The following PLD1 variants were observed in gnomAD, a reference collection of about 807,000 sequenced individuals.
PLD1 encodes choline phosphatase 1.
PLD1 carries 112 observed loss-of-function variants against 137.1 expected under a neutral mutation model. The observed-to-expected ratio is 0.82, with a 90% CI of 0.70 to 0.96. The LOEUF is 0.96. Among genes scored for constraint, PLD1 ranks in the 40% least tolerant of loss-of-function variants. The pLI, the probability that PLD1 is intolerant of heterozygous loss-of-function variation, is 0.00. For missense variants in PLD1, 1,321 were observed against 1,342.0 expected (o/e 0.98, Z 0.24); for synonymous variants, 431 against 454.7 (o/e 0.95, Z 0.66).
chr3:171,761,944 C>G lies in PLD1; in HGVS notation c.-31-23862G>C, dbSNP rs568574656. 1.1e-3 allele frequency among the ~76,000 whole-genome samples: 167 copies of G among 152,288 alleles called. 8 individuals carry two copies. The highest frequency in any genetic ancestry group is 6.8e-3 in the Middle Eastern group (2 of 294). On this transcript the variant is annotated intron_variant, in intron 1 of 26. Transcript: ENST00000351298. ...AATATCTATACATACTCCATGAAAA[C>G]TGCAAAGGTCTCAGATTAATACAGA...
intron 23 of PLD1, among the ~76,000 whole-genome samples, chr3:171,629,083 C>T (rs1242278778): frequency 1.3e-5 from 2 of 150,814 alleles, no homozygotes; most frequent in East Asian, 1.9e-4. Context: ...TCCCTGTTTG[C>T]AGATGACATG....
At chr3:171,788,998 C>T (rs1197305351) in intron 1 of PLD1, 1 of 152,250 alleles carries the variant, frequency 6.6e-6, no homozygotes, top group African/African-American at 2.4e-5. Flanking sequence ...ATAAAACAGA[C>T]ATTGTCCTCA....
intron 15 of PLD1, among the ~76,000 whole-genome samples, 192 bp downstream of exon 15, chr3:171,687,179 T>C (rs939551675): frequency 3.3e-5 from 5 of 152,220 alleles, no homozygotes; most frequent in Admixed American, 6.5e-5. Context: ...GATAAAACAA[T>C]AAATCTGTTC....
intron 21 of PLD1, among the ~76,000 whole-genome samples, chr3:171,655,946 C>A (rs1187033466): frequency 6.6e-6 from 1 of 152,026 alleles, no homozygotes; most frequent in African/African-American, 2.4e-5. Context: ...GAACTAATTT[C>A]CCATTTTTCA....
Position 171,737,792 on chromosome 3 carries a change from T to A in PLD1, c.160+100A>T, listed in dbSNP as rs1421673449. ...AATGATCTGAGCCCGGTGTTACATC[T>A]GCAAGGAAAATCAATCATTTGCTGG... On this transcript the variant is annotated intron_variant, in intron 2 of 26. Transcript: ENST00000351298. 6 of 1,413,266 alleles carry A rather than the reference T, an allele frequency of 4.2e-6. No individual in the cohort carries two copies. In the African/African-American group the frequency reaches 8.6e-5, roughly 20 times the overall value. 87.5% of individuals were successfully genotyped at this position (1,413,266 alleles called of 1,614,324 possible). A position where few individuals can be genotyped will look rare whatever the true frequency, so the allele number is the denominator to read the frequency against.
rs781266416 is a variant in PLD1, at chr3:171,659,208, GTT to G, written c.2429+3_2429+4del. ...CAGCGAGAACTCTCAGCCAAAGGCT[GTT>G]ACCTGTGAGCTTTCAGGATCCTCTG... On this transcript the variant is annotated splice_donor_region_variant and intron_variant, in intron 21 of 26. Coordinates refer to ENST00000351298, the MANE Select transcript of PLD1 (RefSeq NM_002662.5). 3.8e-6 allele frequency: 6 copies of G among 1,596,262 alleles called. No homozygotes were observed. The East Asian group carries it at 1.3e-4, about 36-fold the overall frequency.
chr3:171,758,686 A>C (rs1342896353), intron 1 of PLD1, among the ~76,000 whole-genome samples: 3 of 152,228 alleles, frequency 2.0e-5, no homozygotes, highest in Non-Finnish European at 4.4e-5. Context: ...AGGAGGAAAG[A>C]ATGTCCAAGA....
intron 14 of PLD1, 103 bp from the exon 15 acceptor site, chr3:171,687,687 G>C: frequency 1.4e-6 from 1 of 732,312 alleles, no homozygotes; most frequent in South Asian, 1.9e-5. Context: ...AAATGATGGA[G>C]GTTCTATAAC....
At chr3:171,720,142 A>G (rs1260055545) in intron 8 of PLD1, among the ~76,000 whole-genome samples, 1 of 151,746 alleles carries the variant, frequency 6.6e-6, no homozygotes, top group African/African-American at 2.4e-5. Flanking sequence ...AAAAAATACA[A>G]AATTTATCCA....
At chr3:171,664,281 T>C (rs1041239696) in intron 19 of PLD1, among the ~76,000 whole-genome samples, 2 of 152,160 alleles carry the variant, frequency 1.3e-5, no homozygotes, top group African/African-American at 2.4e-5. Context: ...GTTGAAGAAA[T>C]AGAAGTTTTA....
In PLD1 at chr3:171,780,693, C is replaced by T. The variant is rs142760629; in HGVS notation, c.-32+29706G>A. ...AAAGAGGAAGATTGAGAACTGACCACTGGATACAGAAACATGGAGGTCACT... is the reference window on the plus strand; with the variant it reads ...AAAGAGGAAGATTGAGAACTGACCATTGGATACAGAAACATGGAGGTCACT... On this transcript the variant is annotated intron_variant, in intron 1 of 26. Coordinates refer to ENST00000351298, the MANE Select transcript of PLD1 (RefSeq NM_002662.5). Among the ~76,000 whole-genome samples, 462 of 152,250 alleles carry T rather than the reference C, an allele frequency of 3.0e-3. 2 individuals carry two copies. Among genetic ancestry groups the T allele is most frequent in the Middle Eastern group, 0.02 (6 of 294 alleles).
intron 9 of PLD1, among the ~76,000 whole-genome samples, chr3:171,711,817 T>TAAAAAAAAAAAAAAAAAAAA: frequency 1.0e-5 from 1 of 99,206 alleles, no homozygotes; most frequent in African/African-American, 4.0e-5. Flanking sequence ...TTATAAATGC[T>TAAAAAAAAAAAAAAAAAAAA]AAAAAAAAAA....
At chr3:171,689,353 T>C (rs1714913170) in intron 13 of PLD1, among the ~76,000 whole-genome samples, 1 of 152,208 alleles carries the variant, frequency 6.6e-6, no homozygotes, top group South Asian at 2.1e-4. Context: ...AGCTCTTTAT[T>C]TAAAAGGTAC....
At position 171,737,573 on chromosome 3, in the gene PLD1, C is replaced by T; in HGVS notation, c.247G>A (p.Ala83Thr). The T allele has an allele frequency of 6.2e-7, 1 of 1,612,856 alleles. No homozygotes were observed. The highest frequency in any genetic ancestry group is 8.5e-7 in the Non-Finnish European group (1 of 1,179,628). Residue 83 changes from alanine to threonine, a missense_variant, in exon 3 of 27, where the codon GCA becomes ACA. Coordinates refer to ENST00000351298, the MANE Select transcript of PLD1 (RefSeq NM_002662.5). ...AAGCGTTCCACTTCCAGAACTTGTGCTTTTATTGGACAGCCGGAGAGATAC... is the reference window on the plus strand; with the variant it reads ...AAGCGTTCCACTTCCAGAACTTGTGTTTTTATTGGACAGCCGGAGAGATAC... ...QTYLSGCPIK[A>T]QVLEVERFTS...
intron 20 of PLD1, among the ~76,000 whole-genome samples, chr3:171,660,510 A>T (rs1473087148): frequency 2.0e-5 from 3 of 152,240 alleles, no homozygotes; most frequent in Non-Finnish European, 4.4e-5. Context: ...AGTGTCAACC[A>T]GGTCTATGTC....
chr3:171,609,717 G>A (rs1405799759), intron 25 of PLD1, among the ~76,000 whole-genome samples: 2 of 152,122 alleles, frequency 1.3e-5, no homozygotes, highest in Admixed American at 1.3e-4. Context: ...TGGATGTACA[G>A]AGTGGAATAA....
intron 21 of PLD1, among the ~76,000 whole-genome samples, chr3:171,658,792 T>G (rs1737424992): frequency 6.6e-6 from 1 of 152,188 alleles, no homozygotes; most frequent in Non-Finnish European, 1.5e-5. Context: ...TTATACAGTA[T>G]GTAAATTCTA....
chr3:171,643,933 G>T (rs574608060), intron 22 of PLD1, among the ~76,000 whole-genome samples: 131 of 151,960 alleles, frequency 8.6e-4, no homozygotes, highest in Middle Eastern at 3.4e-3. Context: ...ACATCAGTAA[G>T]AAAAAAGAGG....
intron 11 of PLD1, among the ~76,000 whole-genome samples, chr3:171,700,328 A>G (rs1716134767): frequency 6.9e-6 from 1 of 145,618 alleles, no homozygotes; most frequent in African/African-American, 2.6e-5. Flanking sequence ...ACACACACAC[A>G]CACACACTCT....
Sources: gnomAD v4.1 joint callset for allele counts (sites outside exome capture counted in the v4.1 genomes callset) on GRCh38, gnomAD v4.1.1 for gene constraint, MANE v1.5 for transcripts, NCBI Gene and HGNC (gene_info 2026-07-23, HGNC 2026-07-21) for gene names.